The following SEC24B variants were observed in gnomAD, a reference collection of about 807,000 sequenced individuals.
SEC24B encodes the protein protein transport protein Sec24B.
SEC24B carries 45 observed loss-of-function variants against 142.8 expected under a neutral mutation model. The ratio of observed to expected loss-of-function variants is 0.32; its 90% CI spans 0.25 to 0.40. The LOEUF is 0.40. Among genes scored for constraint, SEC24B ranks in the 10% least tolerant of loss-of-function variants. The pLI is 1.00. For synonymous variants in SEC24B, 574 were observed against 568.2 expected (o/e 1.01, Z -0.15); for missense variants, 1,409 against 1,526.8 (o/e 0.92, Z 1.29).
Position 109,491,489 on chromosome 4 carries a change from C to T in SEC24B, c.1246+82C>T, listed in dbSNP as rs528235769. The T allele has an allele frequency of 8.0e-6, 8 of 1,004,610 alleles. 1 individual carries two copies. In the South Asian group the frequency reaches 8.3e-5, roughly 10 times the overall value. 62.2% of individuals were successfully genotyped at this position (1,004,610 alleles called of 1,614,324 possible). On this transcript the variant is annotated intron_variant, in intron 5 of 23. Coordinates refer to ENST00000265175, the MANE Select transcript of SEC24B (RefSeq NM_006323.5). ...CCTTCAAATGTGAACATGTATTACA[C>T]ATAATAGCAGGCTATATTTTTAACA...
chr4:109,471,823 C>G (rs1047518072), intron 2 of SEC24B, among the ~76,000 whole-genome samples: 2 of 152,084 alleles, frequency 1.3e-5, no homozygotes, highest in Non-Finnish European at 2.9e-5. Context: ...GCTGCAGTGT[C>G]CCTCGAGACT....
At chr4:109,445,164 G>T (rs183222713) in intron 1 of SEC24B, among the ~76,000 whole-genome samples, 10 of 151,662 alleles carry the variant, frequency 6.6e-5, no homozygotes, top group African/African-American at 2.4e-4. Context: ...GACTCAAGCA[G>T]TCTGCTGCCT....
chr4:109,461,656 A>C (rs182454504), intron 1 of SEC24B, among the ~76,000 whole-genome samples: 2 of 152,354 alleles, frequency 1.3e-5, no homozygotes, highest in East Asian at 3.9e-4. Flanking sequence ...ACATAGATAC[A>C]TGGATATACA....
intron 22 of SEC24B, among the ~76,000 whole-genome samples, chr4:109,536,274 G>A (rs1209444514): frequency 6.6e-6 from 1 of 152,170 alleles, no homozygotes; most frequent in Non-Finnish European, 1.5e-5. Context: ...AAACAGATCA[G>A]TGGGACAGAA....
chr4:109,497,721 G>A (rs1735676111), intron 6 of SEC24B, among the ~76,000 whole-genome samples: 1 of 152,112 alleles, frequency 6.6e-6, no homozygotes, highest in Admixed American at 6.5e-5. Context: ...ATTGTTGATG[G>A]GCATTGGGGT....
intron 3 of SEC24B, among the ~76,000 whole-genome samples, chr4:109,481,122 A>C: frequency 6.8e-6 from 1 of 147,942 alleles, no homozygotes; most frequent in South Asian, 2.1e-4. Context: ...CCCGTCCCCC[A>C]CTCCCAGAGT....
chr4:109,476,351 T>TA (rs1733141173), intron 3 of SEC24B, among the ~76,000 whole-genome samples: 1 of 152,204 alleles, frequency 6.6e-6, no homozygotes, highest in Admixed American at 6.5e-5. Context: ...TGAATTTTGG[T>TA]ATTTATGTGA....
chr4:109,536,831 A>AT (rs887811406), intron 22 of SEC24B, among the ~76,000 whole-genome samples: 78 of 145,480 alleles, frequency 5.4e-4, no homozygotes, highest in Middle Eastern at 3.5e-3. Flanking sequence ...GCCTGGCCAA[A>AT]TTTTTTTTTT....
chr4:109,478,516 T>C (rs1733407721), intron 3 of SEC24B, among the ~76,000 whole-genome samples: 2 of 152,182 alleles, frequency 1.3e-5, no homozygotes, highest in East Asian at 3.9e-4. Context: ...ATTTAATCCT[T>C]ACCACAACCA....
intron 2 of SEC24B, among the ~76,000 whole-genome samples, chr4:109,466,341 T>A (rs928793746): frequency 6.6e-6 from 1 of 152,216 alleles, no homozygotes; most frequent in African/African-American, 2.4e-5. Flanking sequence ...GCAACATAAT[T>A]GCTTTCAATA....
intron 11 of SEC24B, among the ~76,000 whole-genome samples, chr4:109,518,033 T>G (rs939863741): frequency 6.6e-6 from 1 of 152,044 alleles, no homozygotes; most frequent in Non-Finnish European, 1.5e-5. Flanking sequence ...AGTGGCGCGA[T>G]CTCAGCTCAC....
In SEC24B at chr4:109,526,385, A is replaced by G; in HGVS notation, c.2951A>G (p.Tyr984Cys). 1.9e-6 allele frequency: 3 copies of G among 1,608,416 alleles called. No homozygotes were observed. Among genetic ancestry groups the G allele is most frequent in the Non-Finnish European group, 2.5e-6 (3 of 1,176,616 alleles). Residue 984 changes from tyrosine to cysteine, a missense_variant, in exon 17 of 24, where the codon TAT becomes TGT. By Grantham distance (194) the Tyr-to-Cys change is radical. Transcript: ENST00000265175. ...GTATGTTTTCAAACAGCCCTATTAT[A>G]TACATCAAGCAAAGGTAATGTTAAC... is the stretch of plus-strand genomic sequence containing the variant. ...SLVCFQTALL[Y>C]TSSKGERRIR...
intron 10 of SEC24B, 48 bp from the exon 11 acceptor site, chr4:109,516,479 GA>G: frequency 8.9e-7 from 1 of 1,125,830 alleles, no homozygotes; most frequent in Non-Finnish European, 1.3e-6. Flanking sequence ...TATATAAAAA[GA>G]ATAAATTGTA....
intron 19 of SEC24B, among the ~76,000 whole-genome samples, chr4:109,531,042 A>T (rs1026527472): frequency 4.6e-5 from 7 of 152,114 alleles, no homozygotes; most frequent in Non-Finnish European, 8.8e-5. Flanking sequence ...CACTCTTAAT[A>T]TGTCCTCTGG....
intron 14 of SEC24B, among the ~76,000 whole-genome samples, chr4:109,522,833 A>G (rs966338806): frequency 6.6e-6 from 1 of 152,210 alleles, no homozygotes; most frequent in Admixed American, 6.5e-5. Flanking sequence ...TCACAGAGAA[A>G]GTAAATGTGA....
intron 23 of SEC24B, 62 bp from the exon 24 acceptor site, chr4:109,539,499 G>A: frequency 1.1e-6 from 1 of 939,350 alleles, no homozygotes; most frequent in Non-Finnish European, 1.7e-6. Flanking sequence ...GAGCTAGATT[G>A]CAAAGTGGTG....
chr4:109,510,148 A>G, intron 8 of SEC24B, 37 bp downstream of exon 8: 1 of 1,048,134 alleles, frequency 9.5e-7, no homozygotes, highest in Non-Finnish European at 1.4e-6. Context: ...GGGTACTGAC[A>G]TGTATGCTTA....
intron 6 of SEC24B, among the ~76,000 whole-genome samples, chr4:109,502,674 A>G (rs1298606810): frequency 6.6e-6 from 1 of 152,234 alleles, no homozygotes; most frequent in African/African-American, 2.4e-5. Context: ...TGAGTTGGCC[A>G]TGTTAAATTA....
chr4:109,433,898 C>T lies in SEC24B; in HGVS notation c.29C>T (p.Pro10Leu), dbSNP rs1728101863. 1.5e-6 allele frequency: 2 copies of T among 1,340,368 alleles called. No individual in the cohort carries two copies. Among genetic ancestry groups the T allele is most frequent in the Non-Finnish European group, 1.9e-6 (2 of 1,042,458 alleles). The allele number at this position is 1,340,368 out of a possible 1,614,324, so 83.0% of individuals were successfully genotyped here. The change falls in exon 1 of 24, where the codon CCG becomes CTG. Residue 10 changes from proline to leucine, a missense_variant. Pro to Leu is a moderately conservative substitution (Grantham distance 98). Coordinates refer to ENST00000265175, the MANE Select transcript of SEC24B (RefSeq NM_006323.5). ...TCGGCCCCCGCCGGGTCCTCTCACC[C>T]GGCCGCCAGCGCCCGGATCCCGCCC... is the stretch of plus-strand genomic sequence containing the variant. Reference protein sequence around the residue: MSAPAGSSHPAASARIPPKF... With the variant: MSAPAGSSHLAASARIPPKF...
Sources: gnomAD v4.1 joint callset for allele counts (sites outside exome capture counted in the v4.1 genomes callset) on GRCh38, gnomAD v4.1.1 for gene constraint, MANE v1.5 for transcripts, NCBI Gene and HGNC (gene_info 2026-07-23, HGNC 2026-07-21) for gene names.